SERPINA1: variants seen among roughly 807,000 people sequenced by gnomAD.
The protein encoded by SERPINA1 is serpin family A member 1.
Under a neutral mutation model 25.4 loss-of-function variants are expected in SERPINA1, and 21 were observed. That is an observed-to-expected ratio of 0.83 (90% CI 0.59 to 1.19). SERPINA1 has a LOEUF of 1.19. Among genes scored for constraint, SERPINA1 ranks in the 50% most tolerant of loss-of-function variants. The pLI is 0.00. For missense variants in SERPINA1, 546 were observed against 509.0 expected, an observed-to-expected ratio of 1.07 and a Z score of -0.70; for synonymous variants, 218 against 211.1, an observed-to-expected ratio of 1.03 and a Z score of -0.29.
In SERPINA1 at chr14:94,378,495, T is replaced by G. The variant is rs754885222; in HGVS notation, c.1211A>C (p.Lys404Thr). 4 of 1,614,026 alleles carry G rather than the reference T, an allele frequency of 2.5e-6. No homozygotes were observed. The highest frequency in any genetic ancestry group is 3.4e-6 in the Non-Finnish European group (4 of 1,180,014). ...CACTTTTCCCATGAAGAGGGGAGAC[T>G]TGGTATTTTGTTCAATCATTAAGAA... ...FVFLMIEQNTKSPLFMGKVVN... is the reference protein window; with the variant it reads ...FVFLMIEQNTTSPLFMGKVVN... Residue 404 changes from lysine (K) to threonine (T), a missense_variant, in exon 5 of 5, where the codon AAG becomes ACG. By Grantham distance (78) the Lys-to-Thr change is moderately conservative. Coordinates refer to ENST00000393087, the MANE Select transcript of SERPINA1 (RefSeq NM_000295.5).
In SERPINA1 at chr14:94,388,540, G is replaced by A. The variant is rs1243160; in HGVS notation, c.-5+20C>T. ...CTCAGAAGCCTCTCCAGAACCTCTC[G>A]CAGTGAAAGGCATACTTACGATTCA... On this transcript the variant is annotated intron_variant, in intron 1 of 4. Coordinates refer to ENST00000393087, the MANE Select transcript of SERPINA1 (RefSeq NM_000295.5). 0.16 allele frequency: 24,193 copies of A among 152,286 alleles called. 2,343 individuals carry two copies. The highest frequency in any genetic ancestry group is 0.27 in the South Asian group (1,290 of 4,816). The allele number at this position is 152,286 out of a possible 1,614,324, so 9.4% of individuals were successfully genotyped here.
rs146596574 is a variant in SERPINA1, at chr14:94,382,788, T to C, written c.450A>G (p.Leu150=). ...NGLFLSEGLK[L]VDKFLEDVKK... is the part of the protein sequence containing the mutation. ...TAACATCCTCCAAAAACTTATCCAC[T>C]AGCTTCAGGCCCTCGCTGAGGAACA... The change falls in exon 2 of 5, where the codon CTA becomes CTG. Residue 150 remains leucine, a synonymous_variant. Transcript: ENST00000393087. The C allele has an allele frequency of 3.8e-5, 61 of 1,614,150 alleles. No homozygotes were observed. Among genetic ancestry groups the C allele is most frequent in the Non-Finnish European group, 5.2e-5 (61 of 1,180,056 alleles).
At chr14:94,382,523 G>T (rs1566756011) in intron 2 of SERPINA1, 69 bp downstream of exon 2, 2 of 1,599,630 alleles carry the variant, frequency 1.3e-6, no homozygotes, top group Non-Finnish European at 1.7e-6. Flanking sequence ...GAGAGTTCAA[G>T]AACTGATGGT....
At position 94,383,443 on chromosome 14, in the gene SERPINA1, C is replaced by T. The variant is rs981035793; in HGVS notation, c.-4-202G>A. Reference sequence around the variant, plus strand: ...TTACCATATGCCAAGCACTGTTCTCCGTGCTCACATGTGTTAATTCATTGC... The same window carrying T: ...TTACCATATGCCAAGCACTGTTCTCTGTGCTCACATGTGTTAATTCATTGC... On this transcript the variant is annotated intron_variant, in intron 1 of 4. Transcript: ENST00000393087. 6.0e-5 allele frequency: 36 copies of T among 600,708 alleles called. 1 individual carries two copies. Among genetic ancestry groups the T allele is most frequent in the South Asian group, 5.7e-4 (28 of 49,294 alleles). The allele number at this position is 600,708 out of a possible 1,614,324, so 37.2% of individuals were successfully genotyped here.
At chr14:94,383,428 C>T in intron 1 of SERPINA1, 187 bp from the exon 2 acceptor site, 1 of 624,122 alleles carries the variant, frequency 1.6e-6, no homozygotes, top group East Asian at 2.8e-5. Flanking sequence ...TTACCATATG[C>T]CAAGCACTGT....
chr14:94,383,522 G>A lies in SERPINA1; in HGVS notation c.-4-281C>T, dbSNP rs570051662. The A allele has an allele frequency of 5.2e-5, 27 of 521,310 alleles. No homozygotes were observed. The South Asian group carries it at 7.0e-4, about 14-fold the overall frequency. 32.3% of individuals were successfully genotyped at this position (521,310 alleles called of 1,614,324 possible). ...ATGCTAATATCCTTCTTTTACAGATGAAGAAACCAAAGCCAGAGAGATTAG... is the reference window on the plus strand; with the variant it reads ...ATGCTAATATCCTTCTTTTACAGATAAAGAAACCAAAGCCAGAGAGATTAG... On this transcript the variant is annotated intron_variant, in intron 1 of 4. Coordinates refer to ENST00000393087, the MANE Select transcript of SERPINA1 (RefSeq NM_000295.5).
In SERPINA1 at chr14:94,380,816, A is replaced by G. The variant is rs1019260714; in HGVS notation, c.917+55T>C. 1.9e-5 allele frequency: 31 copies of G among 1,613,002 alleles called. No homozygotes were observed. In the Admixed American group the frequency reaches 4.2e-4, roughly 22 times the overall value. ...GCCAGTCCTGATGGGCCTCAGTCCC[A>G]ACATGGCTAAGAGGTGTGGGCAGCT... On this transcript the variant is annotated intron_variant, in intron 3 of 4. Coordinates refer to ENST00000393087, the MANE Select transcript of SERPINA1 (RefSeq NM_000295.5).
chr14:94,382,176 G>T (rs1185508198), intron 2 of SERPINA1, among the ~76,000 whole-genome samples: 2 of 152,224 alleles, frequency 1.3e-5, no homozygotes, highest in African/African-American at 2.4e-5. Flanking sequence ...AGCTAATTGT[G>T]TTAGAGGCAG....
chr14:94,383,194 A>T lies in SERPINA1; in HGVS notation c.44T>A (p.Leu15Gln). ...VSWGILLLAG[L>Q]CCLVPVSLAE... ...CAGGGAGACAGGGACCAGGCAGCAC[A>T]GGCCTGCCAGCAGGAGGATGCCCCA... is the stretch of plus-strand genomic sequence containing the variant. Residue 15 changes from leucine to glutamine, a missense_variant, in exon 2 of 5, where the codon CTG (leucine) becomes CAG (glutamine). Coordinates refer to ENST00000393087, the MANE Select transcript of SERPINA1 (RefSeq NM_000295.5). 6.2e-7 allele frequency: 1 copy of T among 1,614,160 alleles called. No homozygotes were observed. The highest frequency in any genetic ancestry group is 8.5e-7 in the Non-Finnish European group (1 of 1,180,030).
At chr14:94,387,831 T>A (rs1189597958) in intron 1 of SERPINA1, among the ~76,000 whole-genome samples, 1 of 151,910 alleles carries the variant, frequency 6.6e-6, no homozygotes, top group Admixed American at 6.6e-5. Flanking sequence ...CCTTGGAGGG[T>A]TATGAGGCTT....
intron 1 of SERPINA1, among the ~76,000 whole-genome samples, chr14:94,388,349 G>C (rs575988581): frequency 6.6e-6 from 1 of 152,218 alleles, no homozygotes; most frequent in Non-Finnish European, 1.5e-5. Flanking sequence ...ACCGAGGGGG[G>C]ACCGGGCAGG....
chr14:94,377,118 C>G lies in SERPINA1; in HGVS notation c.*1331G>C, dbSNP rs11568814. 1 of 152,168 alleles carries G rather than the reference C, an allele frequency of 6.6e-6. No individual in the cohort carries two copies. The highest frequency in any genetic ancestry group is 1.5e-5 in the Non-Finnish European group (1 of 68,046). The allele number at this position is 152,168 out of a possible 1,614,324, so 9.4% of individuals were successfully genotyped here. A position where few individuals can be genotyped will look rare whatever the true frequency, so the allele number is the denominator to read the frequency against. ...TGCTAATTTCACCATTTTGAACTAT[C>G]GAAATCACTATTTGGTATGACTCAA... On this transcript the variant is annotated 3_prime_UTR_variant, in exon 5 of 5. Coordinates refer to ENST00000393087, the MANE Select transcript of SERPINA1 (RefSeq NM_000295.5).
rs550500561 is a variant in SERPINA1 at position 94,378,940 on chromosome 14, C to T, written c.1066-300G>A. On this transcript the variant is annotated intron_variant, in intron 4 of 4. Transcript: ENST00000393087. ...CCAGGGCTCTCTCCTTTCTAGTACA[C>T]GGCTTGAAGCTCCTTGAGGACACGG... Among the ~76,000 whole-genome samples, 242 of 152,356 alleles carry T rather than the reference C, an allele frequency of 1.6e-3. 1 individual carries two copies. Among genetic ancestry groups the T allele is most frequent in the Non-Finnish European group, 1.9e-3 (132 of 68,040 alleles).
intron 3 of SERPINA1, among the ~76,000 whole-genome samples, chr14:94,380,275 T>C (rs1595605381): frequency 6.6e-6 from 1 of 152,270 alleles, no homozygotes; most frequent in African/African-American, 2.4e-5. Flanking sequence ...CAGCAGGGCA[T>C]GGGCATAATC....
intron 2 of SERPINA1, among the ~76,000 whole-genome samples, chr14:94,382,246 G>A (rs1408253695): frequency 6.6e-6 from 1 of 152,168 alleles, no homozygotes; most frequent in Non-Finnish European, 1.5e-5. Context: ...CACTAGAGTC[G>A]TGTAAAGTAT....
intron 4 of SERPINA1, 153 bp downstream of exon 4, chr14:94,379,311 C>A: frequency 8.6e-7 from 1 of 1,157,384 alleles, no homozygotes; most frequent in Non-Finnish European, 1.3e-6. Context: ...GACCACGTCC[C>A]GTGTCAGTGA....
chr14:94,388,063 C>T (rs1252673839), intron 1 of SERPINA1, among the ~76,000 whole-genome samples: 2 of 152,018 alleles, frequency 1.3e-5, no homozygotes, highest in Non-Finnish European at 1.5e-5. Flanking sequence ...TGTGAGCCGG[C>T]GTTCCTCCCC....
rs13868 is a variant in SERPINA1, at chr14:94,378,623, C to T, written c.1083G>A (p.Val361=). ...LKLSKAVHKA[V]LTIDEKGTEA... Reference sequence around the variant, plus strand: ...CAGTCCCTTTCTCGTCGATGGTCAGCACAGCCTTATGCACGGCCTGGAGGG... The same window carrying T: ...CAGTCCCTTTCTCGTCGATGGTCAGTACAGCCTTATGCACGGCCTGGAGGG... Residue 361 remains valine (V), a synonymous_variant, in exon 5 of 5, where the codon GTG becomes GTA. Coordinates refer to ENST00000393087, the MANE Select transcript of SERPINA1 (RefSeq NM_000295.5). 6.2e-7 allele frequency: 1 copy of T among 1,614,186 alleles called. No homozygotes were observed. The highest frequency in any genetic ancestry group is 1.1e-5 in the South Asian group (1 of 91,086).
At position 94,382,987 on chromosome 14, in the gene SERPINA1, G is replaced by A. The variant is rs1460874866; in HGVS notation, c.251C>T (p.Ala84Val). ...IFFSPVSIAT[A>V]FAMLSLGTKA... Reference sequence around the variant, plus strand: ...GGTCCCCAGGGAGAGCATTGCAAAGGCTGTAGCGATGCTCACTGGGGAGAA... The same window carrying A: ...GGTCCCCAGGGAGAGCATTGCAAAGACTGTAGCGATGCTCACTGGGGAGAA... Residue 84 changes from alanine to valine, a missense_variant, in exon 2 of 5, where the codon GCC becomes GTC. Transcript: ENST00000393087. 6 of 1,609,054 alleles carry A rather than the reference G, an allele frequency of 3.7e-6. No individual in the cohort carries two copies. The highest frequency in any genetic ancestry group is 4.3e-6 in the Non-Finnish European group (5 of 1,176,062).
Sources: gnomAD v4.1 joint callset for allele counts (sites outside exome capture counted in the v4.1 genomes callset) on GRCh38, gnomAD v4.1.1 for gene constraint, MANE v1.5 for transcripts, NCBI Gene and HGNC (gene_info 2026-07-23, HGNC 2026-07-21) for gene names.